NMNAT2: variants seen among roughly 807,000 people sequenced by gnomAD.
The protein encoded by NMNAT2 is nicotinamide/nicotinic acid mononucleotide adenylyltransferase 2.
NMNAT2 carries 11 observed loss-of-function variants against 41.6 expected under a neutral mutation model. That is an observed-to-expected ratio of 0.26 (90% confidence interval 0.17 to 0.44). The LOEUF (loss-of-function observed/expected upper bound fraction) is 0.44. Among genes scored for constraint, NMNAT2 ranks in the 20% least tolerant of loss-of-function variants. The pLI, the probability that NMNAT2 is intolerant of heterozygous loss-of-function variation, is 1.00. For synonymous variants in NMNAT2, 148 were observed against 151.2 expected (o/e 0.98, Z 0.16); for missense variants, 288 against 407.7 (o/e 0.71, Z 2.53).
chr1:183,304,873 A>G lies in NMNAT2; in HGVS notation c.86-11080T>C, dbSNP rs199501879. ...ACTACCTCCAGCTTGGGAGAATTTG[A>G]ATCCCTTTGTCCTTACAGCCAGGAA... On this transcript the variant is annotated intron_variant, in intron 1 of 10. Transcript: ENST00000287713. The G allele has an allele frequency of 5.9e-6, 9 of 1,531,130 alleles. No homozygotes were observed. The Admixed American group carries it at 7.6e-5, about 13-fold the overall frequency. The allele number at this position is 1,531,130 out of a possible 1,614,324, so 94.8% of individuals were successfully genotyped here. A position where few individuals can be genotyped will look rare whatever the true frequency, so the allele number is the denominator to read the frequency against.
chr1:183,268,578 TCCAA>T, intron 8 of NMNAT2, among the ~76,000 whole-genome samples: 1 of 152,326 alleles, frequency 6.6e-6, no homozygotes, highest in Non-Finnish European at 1.5e-5. Flanking sequence ...GCTGAACTCC[TCCAA>T]CCAAGTTGTT....
intron 1 of NMNAT2, among the ~76,000 whole-genome samples, chr1:183,318,333 C>A (rs993403283): frequency 6.6e-6 from 1 of 152,154 alleles, no homozygotes; most frequent in Non-Finnish European, 1.5e-5. Flanking sequence ...GAGAAAAAGT[C>A]CAGGCCAGAT....
chr1:183,355,876 T>C lies in NMNAT2; in HGVS notation c.86-62083A>G, dbSNP rs528047145. On this transcript the variant is annotated intron_variant, in intron 1 of 10. Coordinates refer to ENST00000287713, the MANE Select transcript of NMNAT2 (RefSeq NM_015039.4). ...GTGAAAGGTTTTTGACAGCCAGTGT[T>C]GTACCATTATCCTCTTAACCTTTCC... Among the ~76,000 whole-genome samples the C allele has an allele frequency of 1.3e-5, 2 of 152,222 alleles. 1 individual carries two copies. Among genetic ancestry groups the C allele is most frequent in the South Asian group, 4.1e-4 (2 of 4,830 alleles).
chr1:183,359,705 C>G (rs967272822), intron 1 of NMNAT2, among the ~76,000 whole-genome samples: 2 of 152,158 alleles, frequency 1.3e-5, no homozygotes, highest in African/African-American at 2.4e-5. Flanking sequence ...TGCTCCCATG[C>G]CCAGATCTGG....
chr1:183,366,604 G>A (rs552960957), intron 1 of NMNAT2, among the ~76,000 whole-genome samples: 2 of 152,320 alleles, frequency 1.3e-5, no homozygotes, highest in African/African-American at 4.8e-5. Flanking sequence ...TGGTAAGAAG[G>A]TAAAATGGAA....
At chr1:183,356,946 G>T (rs500159) in intron 1 of NMNAT2, among the ~76,000 whole-genome samples, 2,351 of 152,284 alleles carry the variant, frequency 0.015, 55 homozygotes, top group African/African-American at 0.053. Context: ...TCTACTGTTA[G>T]AATTCACAGC....
chr1:183,277,438 C>T (rs1180990820), intron 8 of NMNAT2, among the ~76,000 whole-genome samples: 2 of 146,106 alleles, frequency 1.4e-5, no homozygotes, highest in East Asian at 4.0e-4. Flanking sequence ...ACTCTTGAAC[C>T]TGGAAGGCAG....
chr1:183,286,302 G>A (rs1252271604), intron 5 of NMNAT2, among the ~76,000 whole-genome samples: 1 of 151,718 alleles, frequency 6.6e-6, no homozygotes. Flanking sequence ...ATGTTGCCCA[G>A]GCTACTCTCA....
chr1:183,365,784 T>C (rs1240761118), intron 1 of NMNAT2, among the ~76,000 whole-genome samples: 1 of 151,384 alleles, frequency 6.6e-6, no homozygotes, highest in African/African-American at 2.4e-5. Context: ...CCCTGAGAGA[T>C]GTCTGAGACA....
At chr1:183,405,585 T>A (rs1648931396) in intron 1 of NMNAT2, among the ~76,000 whole-genome samples, 1 of 152,194 alleles carries the variant, frequency 6.6e-6, no homozygotes, top group African/African-American at 2.4e-5. Context: ...TAGGGAAGCG[T>A]CCACCACATG....
At chr1:183,341,296 C>A (rs1178320731) in intron 1 of NMNAT2, among the ~76,000 whole-genome samples, 1 of 152,036 alleles carries the variant, frequency 6.6e-6, no homozygotes, top group Non-Finnish European at 1.5e-5. Context: ...TCTGAAATGG[C>A]AACCACAATG....
intron 1 of NMNAT2, among the ~76,000 whole-genome samples, chr1:183,338,517 T>G (rs141700266): frequency 1.3e-5 from 2 of 152,316 alleles, no homozygotes; most frequent in African/African-American, 4.8e-5. Flanking sequence ...AAGATGGAAA[T>G]AAGAACCTGT....
chr1:183,377,078 C>T (rs571982595), intron 1 of NMNAT2, among the ~76,000 whole-genome samples: 122 of 152,046 alleles, frequency 8.0e-4, no homozygotes, highest in African/African-American at 2.9e-3. Flanking sequence ...GCAGGAAGTG[C>T]GACACAGCTG....
At chr1:183,353,833 T>C (rs371277893) in intron 1 of NMNAT2, among the ~76,000 whole-genome samples, 23 of 152,088 alleles carry the variant, frequency 1.5e-4, no homozygotes, top group East Asian at 7.7e-4. Flanking sequence ...CTGTCCCTGA[T>C]TGTGGCTCAT....
At chr1:183,295,909 C>T (rs10797869) in intron 1 of NMNAT2, among the ~76,000 whole-genome samples, 83,686 of 151,936 alleles carry the variant, frequency 0.55, 24,370 homozygotes, top group Non-Finnish European at 0.64. Flanking sequence ...AGTGCAGTGG[C>T]GCCATCTCAG....
At chr1:183,257,114 G>A (rs1227722733) in intron 10 of NMNAT2, among the ~76,000 whole-genome samples, 2 of 151,996 alleles carry the variant, frequency 1.3e-5, no homozygotes, top group Non-Finnish European at 2.9e-5. Flanking sequence ...AATGTGCTAG[G>A]AGGTATTCCT....
At chr1:183,408,107 C>G (rs1649010565) in intron 1 of NMNAT2, among the ~76,000 whole-genome samples, 1 of 152,198 alleles carries the variant, frequency 6.6e-6, no homozygotes, top group South Asian at 2.1e-4. Context: ...AACAGTTTCT[C>G]TGGGTAATGG....
intron 1 of NMNAT2, among the ~76,000 whole-genome samples, chr1:183,331,418 G>GT (rs1436229596): frequency 2.0e-5 from 3 of 152,230 alleles, no homozygotes; most frequent in Non-Finnish European, 4.4e-5. Flanking sequence ...GCATAGACAA[G>GT]ATGAAAGGCA....
intron 1 of NMNAT2, among the ~76,000 whole-genome samples, chr1:183,307,930 C>T (rs570607759): frequency 7.2e-5 from 11 of 152,220 alleles, no homozygotes; most frequent in South Asian, 6.2e-4. Context: ...TTGGGGAGGG[C>T]GCGTGCTGCA....
Sources: gnomAD v4.1 joint callset for allele counts (sites outside exome capture counted in the v4.1 genomes callset) on GRCh38, gnomAD v4.1.1 for gene constraint, MANE v1.5 for transcripts, NCBI Gene and HGNC (gene_info 2026-07-23, HGNC 2026-07-21) for gene names.